RIPK4: variants seen among roughly 807,000 people sequenced by gnomAD.
RIPK4 encodes the protein receptor-interacting serine/threonine-protein kinase 4.
A neutral mutation model predicts 42.9 loss-of-function variants in RIPK4; 17 were observed. The ratio of observed to expected loss-of-function variants is 0.40; its 90% CI spans 0.27 to 0.59. The LOEUF (loss-of-function observed/expected upper bound fraction) is 0.59. RIPK4 is among the 20% of genes least tolerant of loss of function. The pLI is 0.47. For missense variants in RIPK4, 897 were observed against 1,104.4 expected (o/e 0.81, Z 2.66); for synonymous variants, 498 against 499.1 (o/e 1.00, Z 0.03).
At position 41,740,844 on chromosome 21, in the gene RIPK4, C is replaced by T. The variant is rs746232663; in HGVS notation, c.2349G>A (p.Lys783=). 4.4e-6 allele frequency: 7 copies of T among 1,601,494 alleles called. No homozygotes were observed. The African/African-American group carries it at 5.4e-5, about 12-fold the overall frequency. The change falls in exon 8 of 8, where the codon AAG becomes AAA. Residue 783 remains lysine (K), a synonymous_variant. Transcript: ENST00000332512. The part of the protein sequence containing the change: ...GPAATLLRRS[K]T Reference sequence around the variant, plus strand: ...GGTCTCCGCAGGCAGCCAGCTAGGTCTTGCTTCGCCGCAGGAGCGTGGCGG... The same window carrying T: ...GGTCTCCGCAGGCAGCCAGCTAGGTTTTGCTTCGCCGCAGGAGCGTGGCGG...
chr21:41,750,001 T>A (rs2146051751), intron 3 of RIPK4, among the ~76,000 whole-genome samples: 1 of 151,814 alleles, frequency 6.6e-6, no homozygotes, highest in East Asian at 1.9e-4. Flanking sequence ...CATCGAAAAT[T>A]AGTTCAAACG....
At chr21:41,762,911 T>C (rs1221119771) in intron 1 of RIPK4, among the ~76,000 whole-genome samples, 1 of 152,172 alleles carries the variant, frequency 6.6e-6, no homozygotes, top group Non-Finnish European at 1.5e-5. Flanking sequence ...CTGTTGACAG[T>C]GAAGTCAACG....
rs745554154 is a variant in RIPK4 at position 41,740,939 on chromosome 21, C to A, written c.2254G>T (p.Glu752Ter). The stretch of plus-strand genomic sequence containing the variant: ...TGGGCCCCATGCCTGAGCAGAGTCT[C>A]CACCGTCTGTGCGTGCCGGCCCTGG... ...AAQGRHAQTV[E>*]TLLRHGAHIN... The change falls in exon 8 of 8, where the codon GAG (glutamate) becomes TAG (stop). Residue 752 changes from glutamate (E) to a stop codon, truncating the protein, a stop_gained. Coordinates refer to ENST00000332512, the MANE Select transcript of RIPK4 (RefSeq NM_020639.3). LOFTEE classifies it high-confidence loss of function. The A allele has an allele frequency of 4.3e-6, 7 of 1,612,554 alleles. No homozygotes were observed. The East Asian group carries it at 1.3e-4, about 31-fold the overall frequency.
At chr21:41,746,204 C>A in intron 5 of RIPK4, 1 of 617,630 alleles carries the variant, frequency 1.6e-6, no homozygotes. Flanking sequence ...CAGTTTCCAT[C>A]TCATCAGGGT....
rs780878265 is a variant in RIPK4, at chr21:41,740,988, C to A, written c.2205G>T (p.Gly735=). ...ADVIDLFDEQ[G]LSALHLAAQG... ...GGGCGGCCAGGTGCAGCGCGCTGAG[C>A]CCCTGCTCGTCGAACAGGTCAATGA... The change falls in exon 8 of 8, where the codon GGG becomes GGT. Residue 735 remains glycine (G), a synonymous_variant. Transcript: ENST00000332512. 6.8e-6 allele frequency: 11 copies of A among 1,610,920 alleles called. No homozygotes were observed. Among genetic ancestry groups the A allele is most frequent in the Non-Finnish European group, 6.8e-6 (8 of 1,179,728 alleles).
intron 2 of RIPK4, among the ~76,000 whole-genome samples, chr21:41,754,521 T>C (rs951246723): frequency 3.9e-5 from 6 of 152,150 alleles, no homozygotes. Flanking sequence ...GCAGCCTCCC[T>C]GAGAAAGCAG....
intron 1 of RIPK4, among the ~76,000 whole-genome samples, chr21:41,763,102 GC>G (rs963296921): frequency 3.9e-5 from 6 of 152,074 alleles, no homozygotes; most frequent in African/African-American, 9.7e-5. Flanking sequence ...AACGGGAAAA[GC>G]CCCCCCTCCC....
rs2061201568 is a variant in RIPK4 at position 41,755,778 on chromosome 21, C to T, written c.474+747G>A. On this transcript the variant is annotated intron_variant, in intron 2 of 7. Coordinates refer to ENST00000332512, the MANE Select transcript of RIPK4 (RefSeq NM_020639.3). This position sits in a 1 kb window ranked among gnomAD's most constrained non-coding sequence, Gnocchi z 4.2. Reference sequence around the variant, plus strand: ...TACAACGCGCCAGGTGTAACCACCACATGTCAACGACAGTACAACCCTAGC... The same window carrying T: ...TACAACGCGCCAGGTGTAACCACCATATGTCAACGACAGTACAACCCTAGC... Among the ~76,000 whole-genome samples, 1 of 152,220 alleles carries T rather than the reference C, an allele frequency of 6.6e-6. No individual in the cohort carries two copies. Among genetic ancestry groups the T allele is most frequent in the Admixed American group, 6.5e-5 (1 of 15,290 alleles).
At chr21:41,765,316 C>CTGAGAAGTT (rs781241948) in intron 1 of RIPK4, among the ~76,000 whole-genome samples, 1 of 152,180 alleles carries the variant, frequency 6.6e-6, no homozygotes, top group Non-Finnish European at 1.5e-5. Flanking sequence ...ACCACAGCAC[C>CTGAGAAGTT]CCTCCTGGCC....
rs369103642 is a variant in RIPK4, at chr21:41,756,678, C to T, written c.321G>A (p.Leu107=). 4 of 1,614,094 alleles carry T rather than the reference C, an allele frequency of 2.5e-6. No individual in the cohort carries two copies. In the African/African-American group the frequency reaches 4.0e-5, roughly 16 times the overall value. ...CCCATGGCAATGGCTCCGAAGCCAG[C>T]AGCTTTTCCAGGGAGCCCGTCTCCA... ...EYMETGSLEK[L]LASEPLPWDL... is the part of the protein sequence containing the mutation. The change falls in exon 2 of 8, where the codon CTG becomes CTA. Residue 107 remains leucine, a synonymous_variant. Transcript: ENST00000332512.
chr21:41,760,070 C>T (rs931181629), intron 1 of RIPK4, among the ~76,000 whole-genome samples: 2 of 152,230 alleles, frequency 1.3e-5, no homozygotes, highest in Non-Finnish European at 2.9e-5. Flanking sequence ...AAGGATGCTA[C>T]TGAACATCCT....
chr21:41,759,740 C>A (rs2061215202), intron 1 of RIPK4, among the ~76,000 whole-genome samples: 1 of 152,208 alleles, frequency 6.6e-6, no homozygotes, highest in Non-Finnish European at 1.5e-5. Context: ...CAGAACGCAT[C>A]CATTTCTTAA....
intron 2 of RIPK4, among the ~76,000 whole-genome samples, chr21:41,756,015 CA>C (rs2061202238): frequency 6.6e-6 from 1 of 152,232 alleles, no homozygotes; most frequent in South Asian, 2.1e-4. Context: ...GCACTCTACG[CA>C]GGGGCAGACA....
At chr21:41,754,961 C>T (rs1487097801) in intron 2 of RIPK4, among the ~76,000 whole-genome samples, 2 of 152,244 alleles carry the variant, frequency 1.3e-5, no homozygotes, top group Non-Finnish European at 2.9e-5. Context: ...CCACTCTGCA[C>T]CTCTGCTCTG....
At chr21:41,756,477 C>T in intron 2 of RIPK4, 48 bp downstream of exon 2, 1 of 1,582,548 alleles carries the variant, frequency 6.3e-7, no homozygotes, top group African/African-American at 1.3e-5. Flanking sequence ...CTCCCCAAGA[C>T]ACAGGCCCTC....
At position 41,741,837 on chromosome 21, in the gene RIPK4, C is replaced by A; in HGVS notation, c.1356G>T (p.Glu452Asp). ...TGTTGAGCAGCAGCCACTTGGCGCA[C>A]TCCTCTTGCCCGGCCTCCACCGCCA... ...LHLAVEAGQE[E>D]CAKWLLLNNA... The change falls in exon 8 of 8, where the codon GAG (glutamate) becomes GAT (aspartate). Residue 452 changes from glutamate to aspartate, a missense_variant. Coordinates refer to ENST00000332512, the MANE Select transcript of RIPK4 (RefSeq NM_020639.3). 3.1e-6 allele frequency: 5 copies of A among 1,612,350 alleles called. No individual in the cohort carries two copies. Among genetic ancestry groups the A allele is most frequent in the Non-Finnish European group, 4.2e-6 (5 of 1,180,016 alleles).
In RIPK4 at chr21:41,766,973, C is replaced by G; in HGVS notation, c.69G>C (p.Thr23=). The G allele has an allele frequency of 1.2e-6, 2 of 1,606,084 alleles. No individual in the cohort carries two copies. The highest frequency in any genetic ancestry group is 1.1e-5 in the South Asian group (1 of 90,516). ...CGCCCGAGCCCACCTTCTCCCAGCCCGTGAACTCGCCCGCGTCGAAGGTGC... is the reference window on the plus strand; with the variant it reads ...CGCCCGAGCCCACCTTCTCCCAGCCGGTGAACTCGCCCGCGTCGAAGGTGC... The part of the protein sequence containing the change: ...LLRTFDAGEF[T]GWEKVGSGGF... Residue 23 remains threonine, a synonymous_variant, in exon 1 of 8, where the codon ACG becomes ACC. Coordinates refer to ENST00000332512, the MANE Select transcript of RIPK4 (RefSeq NM_020639.3).
At chr21:41,764,902 C>G (rs1169837411) in intron 1 of RIPK4, among the ~76,000 whole-genome samples, 1 of 152,250 alleles carries the variant, frequency 6.6e-6, no homozygotes, top group Non-Finnish European at 1.5e-5. Context: ...CTAGGCGATG[C>G]TGACCTCGAC....
At chr21:41,744,786 C>A (rs2061165705) in intron 6 of RIPK4, among the ~76,000 whole-genome samples, 1 of 152,224 alleles carries the variant, frequency 6.6e-6, no homozygotes, top group South Asian at 2.1e-4. Flanking sequence ...GGCCTGGGGG[C>A]TGTGTGGGGA....
Sources: gnomAD v4.1 joint callset for allele counts (sites outside exome capture counted in the v4.1 genomes callset) on GRCh38, gnomAD v4.1.1 for gene constraint, Gnocchi (gnomAD v3.1) non-coding constraint, MANE v1.5 for transcripts, NCBI Gene and HGNC (gene_info 2026-07-23, HGNC 2026-07-21) for gene names.